Variants in APBA3 observed in about 807,000 individuals in gnomAD.
The protein encoded by APBA3 is amyloid-beta A4 precursor protein-binding family A member 3.
APBA3 carries 45 observed loss-of-function variants against 55.9 expected under a neutral mutation model. That is an observed-to-expected ratio of 0.80 (90% CI 0.63 to 1.03). The LOEUF is 1.03. APBA3 is among the 50% of genes least tolerant of loss of function. The pLI is 0.00. For synonymous variants in APBA3, 370 were observed against 353.3 expected (o/e 1.05, Z -0.53); for missense variants, 865 against 820.3 (o/e 1.05, Z -0.67).
rs2037044708 is a variant in APBA3 at position 3,754,037 on chromosome 19, G to T, written c.831C>A (p.Val277=). The part of the protein sequence containing the change: ...DLFVSTKRIK[V]LTADSQEAMM... ...CCCGTACCTGGGAGTCCGCTGTCAAGACCTTGATCCTCTTGGTGGAGACGA... is the reference window on the plus strand; with the variant it reads ...CCCGTACCTGGGAGTCCGCTGTCAATACCTTGATCCTCTTGGTGGAGACGA... The change falls in exon 5 of 11, where the codon GTC becomes GTA. Residue 277 remains valine, a synonymous_variant. Coordinates refer to ENST00000316757, the MANE Select transcript of APBA3 (RefSeq NM_004886.4). 2.5e-6 allele frequency: 4 copies of T among 1,610,752 alleles called. No individual in the cohort carries two copies. Among genetic ancestry groups the T allele is most frequent in the Non-Finnish European group, 3.4e-6 (4 of 1,178,636 alleles).
rs553604437 is a variant in APBA3 at position 3,750,778 on chromosome 19, C to T, written c.*248G>A. 1,311 of 1,148,822 alleles carry T rather than the reference C, an allele frequency of 1.1e-3. 2 individuals are homozygous for T. The highest frequency in any genetic ancestry group is 1.5e-3 in the Non-Finnish European group (1,170 of 788,834). The allele number at this position is 1,148,822 out of a possible 1,614,324, so 71.2% of individuals were successfully genotyped here. A position where few individuals can be genotyped will look rare whatever the true frequency, so the allele number is the denominator to read the frequency against. The stretch of plus-strand genomic sequence containing the variant: ...CAGAACCCACAACCTTACCTCCCTC[C>T]GCCTGGTCTTTAATAAACAGAGTAT... On this transcript the variant is annotated 3_prime_UTR_variant, in exon 11 of 11. Coordinates refer to ENST00000316757, the MANE Select transcript of APBA3 (RefSeq NM_004886.4).
chr19:3,755,606 T>TGG (rs964109960), intron 3 of APBA3: 1 of 141,966 alleles, frequency 7.0e-6, no homozygotes, highest in African/African-American at 2.6e-5. Context: ...GAGACCTGCC[T>TGG]GGCCAACATG....
intron 6 of APBA3, 69 bp from the exon 7 acceptor site, chr19:3,753,059 G>C: frequency 6.4e-7 from 1 of 1,565,712 alleles, no homozygotes; most frequent in Non-Finnish European, 8.6e-7. Context: ...AGTCCCCAGG[G>C]TCCTCAGAGC....
Position 3,759,764 on chromosome 19 carries a change from G to GCTCCTGCTGCC in APBA3, c.490_500dup (p.Ser167ArgfsTer19), listed in dbSNP as rs776037971. 11 of 1,612,628 alleles carry GCTCCTGCTGCC rather than the reference G, an allele frequency of 6.8e-6. No individual in the cohort carries two copies. Among genetic ancestry groups the GCTCCTGCTGCC allele is most frequent in the South Asian group, 4.4e-5 (4 of 91,066 alleles). ...GCCAGGGTTCCGGGGAACTGCTTGA[G>GCTCCTGCTGCC]CTCCTGCTGCCCTCCTGCTCAGCAG... On this transcript the variant is annotated frameshift_variant, in exon 2 of 11. Transcript: ENST00000316757. LOFTEE classifies it high-confidence loss of function.
chr19:3,758,622 G>A (rs967211697), intron 3 of APBA3, among the ~76,000 whole-genome samples: 1 of 152,162 alleles, frequency 6.6e-6, no homozygotes, highest in Non-Finnish European at 1.5e-5. Context: ...GCTCACGCTT[G>A]TAATCCTAGC....
rs995234587 is a variant in APBA3, at chr19:3,750,806, T to A, written c.*220A>T. On this transcript the variant is annotated 3_prime_UTR_variant, in exon 11 of 11. Transcript: ENST00000316757. ...CTGGTCTTTAATAAACAGAGTATTT[T>A]CACAGCACCGGCTTCTAGTGGCTTC... The A allele has an allele frequency of 5.8e-6, 6 of 1,032,238 alleles. No homozygotes were observed. Among genetic ancestry groups the A allele is most frequent in the Non-Finnish European group, 8.7e-6 (6 of 691,616 alleles). 63.9% of individuals were successfully genotyped at this position (1,032,238 alleles called of 1,614,324 possible).
chr19:3,753,245 T>G, intron 6 of APBA3: 1 of 536,390 alleles, frequency 1.9e-6, no homozygotes. Context: ...GCATGGGCTG[T>G]GGGAAAAGCT....
At chr19:3,751,153 G>A in intron 10 of APBA3, 36 bp downstream of exon 10, 2 of 1,555,344 alleles carry the variant, frequency 1.3e-6, no homozygotes, top group Non-Finnish European at 1.7e-6. Flanking sequence ...TGGGGGACGT[G>A]GGGGCGCCCC....
intron 6 of APBA3, chr19:3,753,561 G>A (rs1411429957): frequency 1.3e-5 from 7 of 534,900 alleles, no homozygotes; most frequent in South Asian, 6.5e-5. Flanking sequence ...TGGGAGGATC[G>A]CTTGAGCCTG....
chr19:3,760,503 A>G (rs921454043), intron 1 of APBA3, among the ~76,000 whole-genome samples: 1 of 149,168 alleles, frequency 6.7e-6, no homozygotes, highest in African/African-American at 2.5e-5. Flanking sequence ...AATTCCCAGC[A>G]CTTTGTGAGG....
intron 3 of APBA3, among the ~76,000 whole-genome samples, chr19:3,758,770 T>C (rs2037109208): frequency 6.6e-6 from 1 of 151,000 alleles, no homozygotes; most frequent in Admixed American, 6.6e-5. Context: ...CCCAGCTACT[T>C]GGGAGGCTGA....
rs1002478173 is a variant in APBA3 at position 3,750,942 on chromosome 19, G to A, written c.*84C>T. On this transcript the variant is annotated 3_prime_UTR_variant, in exon 11 of 11. Coordinates refer to ENST00000316757, the MANE Select transcript of APBA3 (RefSeq NM_004886.4). ...ATCATACAGGACCAAGAACCGCTGG[G>A]GTCCTGGCCAGCCAGGGCAGGCCCA... 1 of 1,408,232 alleles carries A rather than the reference G, an allele frequency of 7.1e-7. No individual in the cohort carries two copies. Among genetic ancestry groups the A allele is most frequent in the Non-Finnish European group, 9.8e-7 (1 of 1,016,856 alleles). The allele number at this position is 1,408,232 out of a possible 1,614,324, so 87.2% of individuals were successfully genotyped here. A position where few individuals can be genotyped will look rare whatever the true frequency, so the allele number is the denominator to read the frequency against.
At position 3,759,581 on chromosome 19, in the gene APBA3, G is replaced by T; in HGVS notation, c.596C>A (p.Ser199Tyr). Residue 199 changes from serine (S) to tyrosine (Y), a missense_variant, in exon 3 of 11, where the codon TCC becomes TAC. Physicochemically the swap from Ser to Tyr is moderately radical, Grantham distance 144. Coordinates refer to ENST00000316757, the MANE Select transcript of APBA3 (RefSeq NM_004886.4). ...AGAQSPETLA[S>Y]YPAPQEVPGP... ...CTCACCCTCCTGGGGGGCAGGGTAG[G>T]AAGCCAGGGTCTCGGGGCTCTGGAA... 6.2e-7 allele frequency: 1 copy of T among 1,600,020 alleles called. No homozygotes were observed. The highest frequency in any genetic ancestry group is 8.5e-7 in the Non-Finnish European group (1 of 1,174,986).
In APBA3 at chr19:3,753,881, C is replaced by T. The variant is rs769353061; in HGVS notation, c.895G>A (p.Asp299Asn). The change falls in exon 6 of 11, where the codon GAC (aspartate) becomes AAC (asparagine). Residue 299 changes from aspartate to asparagine, a missense_variant. Coordinates refer to ENST00000316757, the MANE Select transcript of APBA3 (RefSeq NM_004886.4). ...ATCAGCACCAGCACGCAGCCGATGTCGGCTGTGTAGGAGATGGTATGCAGG... is the reference window on the plus strand; with the variant it reads ...ATCAGCACCAGCACGCAGCCGATGTTGGCTGTGTAGGAGATGGTATGCAGG... ...HALHTISYTADIGCVLVLMAR... is the reference protein window; with the variant it reads ...HALHTISYTANIGCVLVLMAR... 21 of 1,561,422 alleles carry T rather than the reference C, an allele frequency of 1.3e-5. No homozygotes were observed. Among genetic ancestry groups the T allele is most frequent in the South Asian group, 1.1e-4 (9 of 85,220 alleles).
rs773927510 is a variant in APBA3 at position 3,752,815 on chromosome 19, C to T, written c.1182+5G>A. On this transcript the variant is annotated splice_donor_5th_base_variant and intron_variant, in intron 7 of 10. Coordinates refer to ENST00000316757, the MANE Select transcript of APBA3 (RefSeq NM_004886.4). ...CAGGTGGGGGCTGCCCAGCACCTCACTCACCTCCCGGCAGTTGTCACTGTT... is the reference window on the plus strand; with the variant it reads ...CAGGTGGGGGCTGCCCAGCACCTCATTCACCTCCCGGCAGTTGTCACTGTT... 1.1e-5 allele frequency: 18 copies of T among 1,612,620 alleles called. No homozygotes were observed. In the East Asian group the frequency reaches 3.1e-4, roughly 28 times the overall value.
chr19:3,753,561 G>T, intron 6 of APBA3: 1 of 535,018 alleles, frequency 1.9e-6, no homozygotes. Flanking sequence ...TGGGAGGATC[G>T]CTTGAGCCTG....
At position 3,752,591 on chromosome 19, in the gene APBA3, G is replaced by C. The variant is rs993390811; in HGVS notation, c.1312C>G (p.Leu438Val). The C allele has an allele frequency of 6.3e-7, 1 of 1,586,344 alleles. No homozygotes were observed. The highest frequency in any genetic ancestry group is 1.1e-5 in the South Asian group (1 of 88,350). Residue 438 changes from leucine (L) to valine (V), a missense_variant, in exon 8 of 11, where the codon CTC becomes GTC. Transcript: ENST00000316757. ...GCGGTCAGGCGGTCCCCGATGCTGAGGGCCCCCGAGCGCTCAGCAGGCCCC... is the reference window on the plus strand; with the variant it reads ...GCGGTCAGGCGGTCCCCGATGCTGACGGCCCCCGAGCGCTCAGCAGGCCCC... Reference protein sequence around the residue: ...HGGPAERSGALSIGDRLTAIN... With the variant: ...HGGPAERSGAVSIGDRLTAIN...
At chr19:3,755,452 A>G (rs2037064930) in intron 3 of APBA3, 1 of 151,098 alleles carries the variant, frequency 6.6e-6, no homozygotes. Flanking sequence ...TTCCAGGAGA[A>G]TTCTAGACAG....
At chr19:3,753,389 T>C (rs1001249521) in intron 6 of APBA3, 30 of 346,848 alleles carry the variant, frequency 8.6e-5, no homozygotes, top group Non-Finnish European at 1.4e-4. Flanking sequence ...ACGCCTGTAA[T>C]TGCAGCACTT....
Sources: gnomAD v4.1 joint callset for allele counts (sites outside exome capture counted in the v4.1 genomes callset) on GRCh38, gnomAD v4.1.1 for gene constraint, MANE v1.5 for transcripts, NCBI Gene and HGNC (gene_info 2026-07-23, HGNC 2026-07-21) for gene names.